MLLT3: variants seen among roughly 807,000 people sequenced by gnomAD.
MLLT3 encodes MLLT3 super elongation complex subunit, also known as protein AF-9.
A neutral mutation model predicts 53.2 loss-of-function variants in MLLT3; 4 were observed. The ratio of observed to expected loss-of-function variants is 0.08; its 90% CI spans 0.04 to 0.17. The LOEUF (loss-of-function observed/expected upper bound fraction) is 0.17. MLLT3 is among the 10% of genes least tolerant of loss of function. The probability of loss-of-function intolerance (pLI) is 1.00; values close to 1 mark genes in which losing one functional copy is unlikely to be tolerated. For synonymous variants in MLLT3, 283 were observed against 230.6 expected, an observed-to-expected ratio of 1.23 and a Z score of -2.06; for missense variants, 569 against 684.0, an observed-to-expected ratio of 0.83 and a Z score of 1.87.
intron 4 of MLLT3, among the ~76,000 whole-genome samples, chr9:20,417,523 A>T (rs532877584): frequency 6.6e-6 from 1 of 151,890 alleles, no homozygotes; most frequent in African/African-American, 2.4e-5. Flanking sequence ...AAGTTTACAC[A>T]TGTATAATTC....
intron 5 of MLLT3, among the ~76,000 whole-genome samples, chr9:20,412,328 C>A (rs919121662): frequency 3.3e-5 from 5 of 152,202 alleles, no homozygotes; most frequent in Admixed American, 1.3e-4. Context: ...CAAACACATT[C>A]AACTCTCATC....
Position 20,621,827 on chromosome 9 carries a change from C to T in MLLT3, c.12+418G>A. The T allele has an allele frequency of 7.1e-7, 1 of 1,407,334 alleles. No homozygotes were observed. The highest frequency in any genetic ancestry group is 9.2e-7 in the Non-Finnish European group (1 of 1,092,256). The allele number at this position is 1,407,334 out of a possible 1,614,324, so 87.2% of individuals were successfully genotyped here. ...GTGCGGCCGCCGAGGCTGCTCGCCG[C>T]GTCCCCGGACTGTGCCCGCAGCTCC... On this transcript the variant is annotated intron_variant, in intron 1 of 10. Transcript: ENST00000380338. The surrounding 1 kb of genome is among the most constrained non-coding windows in gnomAD (Gnocchi z 7.0).
intron 2 of MLLT3, among the ~76,000 whole-genome samples, chr9:20,607,283 A>G (rs548432478): frequency 3.3e-5 from 5 of 152,240 alleles, no homozygotes; most frequent in African/African-American, 1.2e-4. Flanking sequence ...TGCAGTTAAG[A>G]CATCTATATA....
chr9:20,606,129 G>A (rs1436095782), intron 2 of MLLT3, among the ~76,000 whole-genome samples: 1 of 152,084 alleles, frequency 6.6e-6, no homozygotes, highest in African/African-American at 2.4e-5. Context: ...TATTCTCTAT[G>A]GCTGGGAAAT....
At chr9:20,419,427 GAA>G (rs1370257915) in intron 4 of MLLT3, among the ~76,000 whole-genome samples, 1 of 147,752 alleles carries the variant, frequency 6.8e-6, no homozygotes, top group Non-Finnish European at 1.5e-5. Context: ...GGAAGAAAGA[GAA>G]AAGACAGAAG....
intron 2 of MLLT3, among the ~76,000 whole-genome samples, chr9:20,501,668 G>A (rs756343342): frequency 1.4e-4 from 21 of 149,914 alleles, no homozygotes; most frequent in Non-Finnish European, 2.4e-4. Context: ...GGAGAATGGC[G>A]TGAACCCGGG....
intron 2 of MLLT3, among the ~76,000 whole-genome samples, chr9:20,576,195 G>C (rs1819649153): frequency 6.6e-6 from 1 of 152,200 alleles, no homozygotes; most frequent in Non-Finnish European, 1.5e-5. Context: ...TCAGCATTCA[G>C]AGTTGAAGAC....
intron 2 of MLLT3, among the ~76,000 whole-genome samples, chr9:20,509,653 T>G (rs553660432): frequency 4.8e-4 from 73 of 152,320 alleles, no homozygotes; most frequent in Admixed American, 7.8e-4. Context: ...AAGACTGTAT[T>G]AATAGCACAG....
chr9:20,456,865 A>G (rs1823982956), intron 2 of MLLT3, 79 bp from the exon 3 acceptor site: 2 of 1,110,396 alleles, frequency 1.8e-6, no homozygotes, highest in Admixed American at 2.6e-5. Context: ...AAAAAATCCC[A>G]TTCTACCATC....
intron 2 of MLLT3, among the ~76,000 whole-genome samples, chr9:20,594,957 A>G (rs1820218995): frequency 6.6e-6 from 1 of 152,102 alleles, no homozygotes; most frequent in Admixed American, 6.5e-5. Context: ...ATAACCATAA[A>G]AATGTCCAAA....
Position 20,382,778 on chromosome 9 carries a change from T to C in MLLT3, c.1126-17034A>G, listed in dbSNP as rs111416665. ...ACTGATTTAGAATTCCAGAATGTTT[T>C]TGTAAAGTCAGTTTGACATCAACTT... is the stretch of plus-strand genomic sequence containing the variant. On this transcript the variant is annotated intron_variant, in intron 5 of 10. Coordinates refer to ENST00000380338, the MANE Select transcript of MLLT3 (RefSeq NM_004529.4). 2.1e-3 allele frequency among the ~76,000 whole-genome samples: 320 copies of C among 152,098 alleles called. 1 individual carries two copies. Among genetic ancestry groups the C allele is most frequent in the African/African-American group, 7.0e-3 (290 of 41,552 alleles).
At chr9:20,486,562 C>G (rs1485081142) in intron 2 of MLLT3, among the ~76,000 whole-genome samples, 1 of 152,240 alleles carries the variant, frequency 6.6e-6, no homozygotes, top group South Asian at 2.1e-4. Context: ...GCTAGTAATA[C>G]ATGAAATGAT....
intron 2 of MLLT3, among the ~76,000 whole-genome samples, chr9:20,494,677 T>C (rs1176317909): frequency 1.3e-5 from 2 of 152,286 alleles, no homozygotes; most frequent in East Asian, 1.9e-4. Context: ...AAAAGTCTTT[T>C]CAAATTAATT....
intron 8 of MLLT3, among the ~76,000 whole-genome samples, chr9:20,357,929 A>C (rs1311610087): frequency 6.7e-6 from 1 of 149,028 alleles, no homozygotes; most frequent in African/African-American, 2.5e-5. Context: ...TCAGATTCAT[A>C]CTCTTTCTCT....
intron 5 of MLLT3, among the ~76,000 whole-genome samples, chr9:20,407,994 T>C (rs1482707139): frequency 1.3e-5 from 2 of 152,180 alleles, no homozygotes; most frequent in Non-Finnish European, 2.9e-5. Context: ...GCATAGGTCA[T>C]AAAGCAAGAA....
chr9:20,413,911 C>T lies in MLLT3; in HGVS notation c.935G>A (p.Ser312Asn). 6.2e-7 allele frequency: 1 copy of T among 1,613,380 alleles called. No individual in the cohort carries two copies. The highest frequency in any genetic ancestry group is 2.2e-5 in the East Asian group (1 of 44,872). ...SSEALFKSFS[S>N]APPLILTCSA... ...ACAAGTGAGTATCAGTGGTGGTGCG[C>T]TAGAAAAACTTTTAAATAAAGCCTC... The change falls in exon 5 of 11, where the codon AGC (serine) becomes AAC (asparagine). Residue 312 changes from serine to asparagine, a missense_variant. Ser to Asn is a conservative substitution (Grantham distance 46). Around this residue, in one of 5 missense-constraint regions of MLLT3, gnomAD observed 437 missense variants for 376.5 expected, o/e 1.16. Transcript: ENST00000380338.
At chr9:20,546,299 T>C (rs763773330) in intron 2 of MLLT3, among the ~76,000 whole-genome samples, 4 of 151,858 alleles carry the variant, frequency 2.6e-5, no homozygotes, top group Non-Finnish European at 4.4e-5. Flanking sequence ...AATAAATAAA[T>C]AAATAAAGGC....
intron 2 of MLLT3, among the ~76,000 whole-genome samples, chr9:20,573,446 C>CT (rs1236675521): frequency 6.6e-6 from 1 of 152,116 alleles, no homozygotes; most frequent in Non-Finnish European, 1.5e-5. Context: ...TCCCAAAGTG[C>CT]TGGGATTACA....
At chr9:20,396,223 A>C (rs1013179769) in intron 5 of MLLT3, among the ~76,000 whole-genome samples, 1 of 151,930 alleles carries the variant, frequency 6.6e-6, no homozygotes, top group Non-Finnish European at 1.5e-5. Flanking sequence ...AAACTTTGGG[A>C]ACTCTTTTAC....
Sources: allele counts gnomAD v4.1 joint callset (sites outside exome capture counted in the v4.1 genomes callset), GRCh38; gene constraint gnomAD v4.1.1; regional missense constraint gnomAD v4.1.1; non-coding constraint Gnocchi (gnomAD v3.1); transcripts MANE v1.5; gene names NCBI Gene and HGNC (gene_info 2026-07-23, HGNC 2026-07-21).